Variants in ALDH3A2 observed in about 807,000 individuals in gnomAD.
ALDH3A2 encodes aldehyde dehydrogenase family 3 member A2.
ALDH3A2 carries 36 observed loss-of-function variants against 51.3 expected under a neutral mutation model. The observed-to-expected ratio is 0.70, with a 90% CI of 0.54 to 0.93. The LOEUF is 0.93. Among genes scored for constraint, ALDH3A2 ranks in the 40% least tolerant of loss-of-function variants. The pLI is 0.00. For synonymous variants in ALDH3A2, 199 were observed against 219.8 expected (o/e 0.91, Z 0.84); for missense variants, 552 against 603.1 (o/e 0.92, Z 0.89).
chr17:19,656,491 G>A lies in ALDH3A2; in HGVS notation c.597G>A (p.Lys199=). The change falls in exon 4 of 10, where the codon AAG becomes AAA. Residue 199 remains lysine (K), a synonymous_variant. Coordinates refer to ENST00000176643, the MANE Select transcript of ALDH3A2 (RefSeq NM_000382.3). ...AAATTGTCATGGAAGCTGCTGCCAA[G>A]CATCTGACCCCTGTGACTCTTGAAC... The part of the protein sequence containing the change: ...VGKIVMEAAA[K]HLTPVTLELG... The A allele has an allele frequency of 6.2e-7, 1 of 1,614,194 alleles. No homozygotes were observed. The highest frequency in any genetic ancestry group is 8.5e-7 in the Non-Finnish European group (1 of 1,180,036).
At chr17:19,661,413 T>A in intron 6 of ALDH3A2, 145 bp downstream of exon 6, 1 of 903,268 alleles carries the variant, frequency 1.1e-6, no homozygotes, top group Non-Finnish European at 1.7e-6. Flanking sequence ...ACTGTACCTG[T>A]AGCTTTTGTT....
At chr17:19,673,345 G>T (rs12947168) in intron 9 of ALDH3A2, 8 of 1,478,572 alleles carry the variant, frequency 5.4e-6, no homozygotes, top group South Asian at 2.5e-5. Context: ...AGGGTTTTTT[G>T]GTTTGTTTTT....
At chr17:19,661,624 A>G (rs540168613) in intron 6 of ALDH3A2, among the ~76,000 whole-genome samples, 1 of 152,260 alleles carries the variant, frequency 6.6e-6, no homozygotes, top group East Asian at 1.9e-4. Flanking sequence ...TCCACAATTA[A>G]CCAGTGACGG....
intron 8 of ALDH3A2, among the ~76,000 whole-genome samples, chr17:19,669,934 C>A (rs2085090125): frequency 1.3e-5 from 2 of 152,100 alleles, no homozygotes; most frequent in Non-Finnish European, 2.9e-5. Flanking sequence ...GCCACCGTGC[C>A]CGGTCAAATG....
rs1478508777 is a variant in ALDH3A2, at chr17:19,656,583, G to A, written c.680+9G>A. 5.0e-6 allele frequency: 8 copies of A among 1,603,850 alleles called. No individual in the cohort carries two copies. Among genetic ancestry groups the A allele is most frequent in the East Asian group, 2.2e-5 (1 of 44,670 alleles). On this transcript the variant is annotated intron_variant, in intron 4 of 9. Coordinates refer to ENST00000176643, the MANE Select transcript of ALDH3A2 (RefSeq NM_000382.3). The stretch of plus-strand genomic sequence containing the variant: ...CTGGACATTGTTTGCAGGTGAGTCT[G>A]GCTCTCTGATTTTCTGAGGTTTTCC...
At chr17:19,653,861 G>C (rs1597552467) in intron 3 of ALDH3A2, among the ~76,000 whole-genome samples, 2 of 152,260 alleles carry the variant, frequency 1.3e-5, no homozygotes, top group East Asian at 1.9e-4. Context: ...ATTTTACAGA[G>C]AGCTGATTGG....
chr17:19,651,305 G>A (rs1020868167), intron 1 of ALDH3A2, among the ~76,000 whole-genome samples: 1 of 152,144 alleles, frequency 6.6e-6, no homozygotes, highest in African/African-American at 2.4e-5. Flanking sequence ...TTTACTAATG[G>A]TATTCGACTA....
intron 3 of ALDH3A2, among the ~76,000 whole-genome samples, chr17:19,655,719 T>G (rs2084885554): frequency 6.6e-6 from 1 of 152,222 alleles, no homozygotes; most frequent in Non-Finnish European, 1.5e-5. Context: ...TCCAAGATGT[T>G]CTCTCTTAGA....
intron 3 of ALDH3A2, among the ~76,000 whole-genome samples, chr17:19,655,572 A>C (rs917641682): frequency 9.2e-5 from 14 of 152,252 alleles, no homozygotes; most frequent in Non-Finnish European, 2.1e-4. Context: ...CATGAAGTGA[A>C]TGAAATTAAT....
At chr17:19,658,748 T>TA (rs34082599) in intron 5 of ALDH3A2, among the ~76,000 whole-genome samples, 88 of 138,838 alleles carry the variant, frequency 6.3e-4, no homozygotes, top group Middle Eastern at 3.7e-3. Flanking sequence ...ACTCTGTCTT[T>TA]AAAAAAAAAA....
chr17:19,670,147 C>A (rs1289682769), intron 8 of ALDH3A2, among the ~76,000 whole-genome samples: 2 of 152,218 alleles, frequency 1.3e-5, no homozygotes, highest in East Asian at 3.9e-4. Flanking sequence ...ATTTATTTTT[C>A]CAGATGATCT....
rs562261489 is a variant in ALDH3A2, at chr17:19,661,495, T to G, written c.940+227T>G. ...CCAGCGTTGCTCCAGTTGTTCATAT[T>G]TACACATAACTCCTTTTTTCCTCCT... On this transcript the variant is annotated intron_variant, in intron 6 of 9. Transcript: ENST00000176643. 2.3e-4 allele frequency: 123 copies of G among 530,764 alleles called. 5 individuals carry two copies. In the South Asian group the frequency reaches 2.7e-3, roughly 12 times the overall value. 32.9% of individuals were successfully genotyped at this position (530,764 alleles called of 1,614,324 possible).
rs2084769767 is a variant in ALDH3A2, at chr17:19,648,783, G to A, written c.-189G>A. 2.7e-6 allele frequency: 2 copies of A among 748,464 alleles called. No homozygotes were observed. The highest frequency in any genetic ancestry group is 5.5e-5 in the East Asian group (2 of 36,646). The allele number at this position is 748,464 out of a possible 1,614,324, so 46.4% of individuals were successfully genotyped here. A position where few individuals can be genotyped will look rare whatever the true frequency, so the allele number is the denominator to read the frequency against. ...CCCCGGCGCCTCCGACTGGCAGTGGGACTCAGCGGGCGTGGAGGTCGCGGC... is the reference window on the plus strand; with the variant it reads ...CCCCGGCGCCTCCGACTGGCAGTGGAACTCAGCGGGCGTGGAGGTCGCGGC... On this transcript the variant is annotated 5_prime_UTR_variant, in exon 1 of 10. Coordinates refer to ENST00000176643, the MANE Select transcript of ALDH3A2 (RefSeq NM_000382.3).
In ALDH3A2 at chr17:19,651,588, T is replaced by C. The variant is rs371684629; in HGVS notation, c.195T>C (p.Leu65=). 80 of 1,614,064 alleles carry C rather than the reference T, an allele frequency of 5.0e-5. No homozygotes were observed. Among genetic ancestry groups the C allele is most frequent in the Non-Finnish European group, 6.6e-5 (78 of 1,180,016 alleles). Residue 65 remains leucine (L), a synonymous_variant, in exon 2 of 10, where the codon CTT becomes CTC. Coordinates refer to ENST00000176643, the MANE Select transcript of ALDH3A2 (RefSeq NM_000382.3). ...NVYSQEVITV[L]GEIDFMLENL... ...ACAGTCAGGAAGTCATTACTGTCCT[T>C]GGGGAAATTGATTTTATGCTTGAGA... is the stretch of plus-strand genomic sequence containing the variant.
At chr17:19,661,660 T>G (rs1376694312) in intron 6 of ALDH3A2, among the ~76,000 whole-genome samples, 1 of 152,170 alleles carries the variant, frequency 6.6e-6, no homozygotes, top group Admixed American at 6.5e-5. Flanking sequence ...AATGTTTTGG[T>G]CCATCATGCT....
In ALDH3A2 at chr17:19,651,647, A is replaced by G. The variant is rs1324617701; in HGVS notation, c.254A>G (p.Lys85Arg). The G allele has an allele frequency of 6.2e-7, 1 of 1,614,150 alleles. No individual in the cohort carries two copies. Residue 85 changes from lysine to arginine, a missense_variant, in exon 2 of 10, where the codon AAG (lysine) becomes AGG (arginine). Transcript: ENST00000176643. ...LPEWVTAKPV[K>R]KNVLTMLDEA... Reference sequence around the variant, plus strand: ...GAATGGGTTACTGCTAAACCAGTTAAGAAGAACGTGCTCACCATGCTGGAT... The same window carrying G: ...GAATGGGTTACTGCTAAACCAGTTAGGAAGAACGTGCTCACCATGCTGGAT...
At chr17:19,667,007 A>G (rs8069576) in intron 8 of ALDH3A2, among the ~76,000 whole-genome samples, 87,467 of 151,710 alleles carry the variant, frequency 0.58, 25,866 homozygotes, top group East Asian at 0.98. Context: ...AAATGTAAAA[A>G]GAATACAGGC....
intron 8 of ALDH3A2, among the ~76,000 whole-genome samples, chr17:19,667,944 C>T (rs1043837344): frequency 6.6e-6 from 1 of 152,198 alleles, no homozygotes; most frequent in Non-Finnish European, 1.5e-5. Context: ...TTTATATTCC[C>T]ATGATCAGTA....
In ALDH3A2 at chr17:19,675,713, C is replaced by T; in HGVS notation, c.*141C>T. On this transcript the variant is annotated 3_prime_UTR_variant, in exon 10 of 10. Coordinates refer to ENST00000176643, the MANE Select transcript of ALDH3A2 (RefSeq NM_000382.3). ...CTGTGATCAAACTTAAAAGTCATTG[C>T]CATTCATCATTAATAAAAGTTGCCA... The T allele has an allele frequency of 1.0e-6, 1 of 983,862 alleles. No individual in the cohort carries two copies. The allele number at this position is 983,862 out of a possible 1,614,324, so 60.9% of individuals were successfully genotyped here.
Sources: allele counts gnomAD v4.1 joint callset (sites outside exome capture counted in the v4.1 genomes callset), GRCh38; gene constraint gnomAD v4.1.1; transcripts MANE v1.5; gene names NCBI Gene and HGNC (gene_info 2026-07-23, HGNC 2026-07-21).